Variants in ERBB2 observed in about 807,000 individuals in gnomAD.
The protein encoded by ERBB2 is erb-b2 receptor tyrosine kinase 2, also known as receptor tyrosine-protein kinase erbB-2.
In ERBB2, 61 loss-of-function variants were observed where a neutral mutation model predicts 149.0. The observed-to-expected ratio is 0.41, with a 90% CI of 0.33 to 0.51. ERBB2 has a LOEUF of 0.51. Among genes scored for constraint, ERBB2 ranks in the 20% least tolerant of loss-of-function variants. The pLI is 0.25. For missense variants in ERBB2, 1,205 were observed against 1,655.1 expected (o/e 0.73, Z 4.72); for synonymous variants, 633 against 678.8 (o/e 0.93, Z 1.05).
rs199530208 is a variant in ERBB2, at chr17:39,715,921, C to A, written c.1495C>A (p.Arg499=). Residue 499 remains arginine, a synonymous_variant, in exon 12 of 27, where the codon CGG becomes AGG. Coordinates refer to ENST00000269571, the MANE Select transcript of ERBB2 (RefSeq NM_004448.4). ...CCAAGCTCTGCTCCACACTGCCAAC[C>A]GGCCAGAGGACGAGTGTGGTAAGAC... ...PHQALLHTAN[R]PEDECVGEGL... 1.2e-6 allele frequency: 2 copies of A among 1,610,578 alleles called. No individual in the cohort carries two copies. The highest frequency in any genetic ancestry group is 2.2e-5 in the South Asian group (2 of 91,066).
chr17:39,693,237 T>G (rs1198386794), upstream of ERBB2: 1 of 152,364 alleles, frequency 6.6e-6, no homozygotes, highest in East Asian at 1.9e-4. Context: ...CCCATCTCTT[T>G]TCCTTTCTCT....
At chr17:39,717,553 A>C in intron 15 of ERBB2, 73 bp downstream of exon 15, 2 of 1,258,254 alleles carry the variant, frequency 1.6e-6, no homozygotes, top group Non-Finnish European at 2.2e-6. Flanking sequence ...CTTACTATAA[A>C]AGGGGACCAA....
At position 39,708,394 on chromosome 17, in the gene ERBB2, G is replaced by A. The variant is rs756720659; in HGVS notation, c.299G>A (p.Arg100Gln). Residue 100 changes from arginine (R) to glutamine (Q), a missense_variant, in exon 3 of 27, where the codon CGG becomes CAG. Coordinates refer to ENST00000269571, the MANE Select transcript of ERBB2 (RefSeq NM_004448.4). ...AGGCAGGTCCCACTGCAGAGGCTGC[G>A]GATTGTGCGAGGCACCCAGCTCTTT... ...QVRQVPLQRL[R>Q]IVRGTQLFED... The A allele has an allele frequency of 1.4e-5, 23 of 1,614,046 alleles. No individual in the cohort carries two copies. The highest frequency in any genetic ancestry group is 8.3e-5 in the Admixed American group (5 of 60,004).
At chr17:39,694,041 C>G (rs1186630688), upstream of ERBB2, among the ~76,000 whole-genome samples, 1 of 146,768 alleles carries the variant, frequency 6.8e-6, no homozygotes, top group African/African-American at 2.5e-5. Context: ...CAAAAATTAG[C>G]TGGATGTGGT....
chr17:39,688,610 C>G (rs2057617426), intron 1 of ERBB2: 1 of 152,518 alleles, frequency 6.6e-6, no homozygotes, highest in Non-Finnish European at 1.5e-5. Context: ...CTCCCTTGCT[C>G]CAGACCCGCT....
intron 1 of ERBB2, chr17:39,688,310 G>T: frequency 3.4e-6 from 1 of 294,794 alleles, no homozygotes; most frequent in Non-Finnish European, 6.2e-6. Flanking sequence ...ACCCCTGTCG[G>T]ATTTTACTTC....
chr17:39,709,410 C>G lies in ERBB2; in HGVS notation c.532C>G (p.Gln178Glu), dbSNP rs1053130436. 1.2e-6 allele frequency: 2 copies of G among 1,613,998 alleles called. No homozygotes were observed. Among genetic ancestry groups the G allele is most frequent in the African/African-American group, 1.3e-5 (1 of 74,888 alleles). ...GAAGGACATCTTCCACAAGAACAAC[C>G]AGCTGGCTCTCACACTGATAGACAC... ...LWKDIFHKNN[Q>E]LALTLIDTNR... The change falls in exon 4 of 27, where the codon CAG becomes GAG. Residue 178 changes from glutamine (Q) to glutamate (E), a missense_variant. Gln to Glu is a conservative substitution (Grantham distance 29). Around this residue, in one of 6 missense-constraint regions of ERBB2, gnomAD observed 569 missense variants for 803.5 expected, o/e 0.71. Coordinates refer to ENST00000269571, the MANE Select transcript of ERBB2 (RefSeq NM_004448.4).
At position 39,727,606 on chromosome 17, in the gene ERBB2, C is replaced by CAGG. The variant is rs1341768497; in HGVS notation, c.3412+60_3412+62dup. ...GGCAGGGGAGGTGGGACCTTCAGCC[C>CAGG]AGGGTCCACTGTGGGGGCAGAGGGA... is the stretch of plus-strand genomic sequence containing the variant. On this transcript the variant is annotated intron_variant, in intron 26 of 26. Coordinates refer to ENST00000269571, the MANE Select transcript of ERBB2 (RefSeq NM_004448.4). This position sits in a 1 kb window ranked among gnomAD's most constrained non-coding sequence, Gnocchi z 4.3. 6.4e-7 allele frequency: 1 copy of CAGG among 1,573,456 alleles called. No individual in the cohort carries two copies. Among genetic ancestry groups the CAGG allele is most frequent in the Non-Finnish European group, 8.6e-7 (1 of 1,165,188 alleles).
chr17:39,689,424 TG>T (rs1207160120), intron 2 of ERBB2, among the ~76,000 whole-genome samples: 1 of 152,192 alleles, frequency 6.6e-6, no homozygotes, highest in Admixed American at 6.5e-5. Context: ...GGAAATCCAG[TG>T]CTAATACTAC....
At chr17:39,692,081 C>T (rs888356528), upstream of ERBB2, among the ~76,000 whole-genome samples, 8 of 151,702 alleles carry the variant, frequency 5.3e-5, no homozygotes, top group East Asian at 3.9e-4. Flanking sequence ...CTTGAACTCC[C>T]GACCTCAGGT....
Position 39,709,334 on chromosome 17 carries a change from G to A in ERBB2, c.456G>A (p.Gly152=), listed in dbSNP as rs758734557. Reference sequence around the variant, plus strand: ...ACCCCACAGAGATCTTGAAAGGAGGGGTCTTGATCCAGCGGAACCCCCAGC... The same window carrying A: ...ACCCCACAGAGATCTTGAAAGGAGGAGTCTTGATCCAGCGGAACCCCCAGC... The part of the protein sequence containing the change: ...LRSLTEILKG[G]VLIQRNPQLC... Residue 152 remains glycine (G), a synonymous_variant, in exon 4 of 27, where the codon GGG becomes GGA. Transcript: ENST00000269571. 5.0e-6 allele frequency: 8 copies of A among 1,614,038 alleles called. No homozygotes were observed. In the East Asian group the frequency reaches 6.7e-5, roughly 13 times the overall value.
rs1375418332 is a variant in ERBB2, at chr17:39,706,672, AGGAAGCCTTTCTTTG to A, written c.74-317_74-303del. Reference sequence around the variant, plus strand: ...GCCCTGAGTTGTGCCTTTGGGACAAAGGAAGCCTTTCTTTGCCAGCCAACACCCTGTACTGGCGGG... The same window carrying A: ...GCCCTGAGTTGTGCCTTTGGGACAAACCAGCCAACACCCTGTACTGGCGGG... On this transcript the variant is annotated intron_variant, in intron 1 of 26. Transcript: ENST00000269571. The A allele has an allele frequency of 3.9e-5, 10 of 253,936 alleles. No individual in the cohort carries two copies. In the South Asian group the frequency reaches 1.5e-3, roughly 39 times the overall value. 15.7% of individuals were successfully genotyped at this position (253,936 alleles called of 1,614,324 possible).
chr17:39,718,977 C>T (rs1348108644), intron 15 of ERBB2, among the ~76,000 whole-genome samples: 1 of 151,482 alleles, frequency 6.6e-6, no homozygotes, highest in South Asian at 2.1e-4. Context: ...AATATGGATC[C>T]AGGCTGGGCA....
chr17:39,707,178 C>T (rs1432768566), intron 2 of ERBB2, 37 bp downstream of exon 2: 1 of 1,506,716 alleles, frequency 6.6e-7, no homozygotes, highest in Non-Finnish European at 8.9e-7. Flanking sequence ...GCCCTGCCTC[C>T]AGCTGGGCTG....
chr17:39,723,477 TC>T lies in ERBB2; in HGVS notation c.2085+23del, dbSNP rs1263859031. 6.2e-7 allele frequency: 1 copy of T among 1,613,936 alleles called. No individual in the cohort carries two copies. Among genetic ancestry groups the T allele is most frequent in the Non-Finnish European group, 8.5e-7 (1 of 1,179,938 alleles). The stretch of plus-strand genomic sequence containing the variant: ...ACGGAGGTGAGGCGGGGTGAAGTCC[TC>T]CCAGCCCGCGTGGGGTCTGCACCGG... On this transcript the variant is annotated intron_variant, in intron 17 of 26. Transcript: ENST00000269571. This position sits in a 1 kb window ranked among gnomAD's most constrained non-coding sequence, Gnocchi z 6.2.
chr17:39,691,574 T>TACACACAC (rs1173386743), upstream of ERBB2, among the ~76,000 whole-genome samples: 228 of 121,644 alleles, frequency 1.9e-3, 1 homozygote, highest in African/African-American at 8.0e-3. Flanking sequence ...TATATATATA[T>TACACACAC]ACACACACAC....
At chr17:39,691,953 A>ATATATATATATATATATATATC (rs2057722777), upstream of ERBB2, among the ~76,000 whole-genome samples, 1 of 145,962 alleles carries the variant, frequency 6.9e-6, no homozygotes, top group African/African-American at 2.5e-5. Flanking sequence ...ATATATATAT[A>ATATATATATATATATATATATC]TATATCTCTT....
At chr17:39,715,185 G>C in intron 9 of ERBB2, 101 bp from the exon 10 acceptor site, 1 of 969,288 alleles carries the variant, frequency 1.0e-6, no homozygotes, top group East Asian at 2.5e-5. Flanking sequence ...CAAAGGGTTT[G>C]AGTGAAGGCA....
chr17:39,721,606 A>G (rs2059457361), intron 16 of ERBB2, among the ~76,000 whole-genome samples: 1 of 152,082 alleles, frequency 6.6e-6, no homozygotes, highest in African/African-American at 2.4e-5. Flanking sequence ...CCTGTGGAGA[A>G]ATGGTGGTCC....
Sources: gnomAD v4.1 joint callset for allele counts (sites outside exome capture counted in the v4.1 genomes callset) on GRCh38, gnomAD v4.1.1 for gene constraint, gnomAD v4.1.1 regional missense constraint, Gnocchi (gnomAD v3.1) non-coding constraint, MANE v1.5 for transcripts, NCBI Gene and HGNC (gene_info 2026-07-23, HGNC 2026-07-21) for gene names.